The following KCNIP1 variants were observed in gnomAD, a reference collection of about 807,000 sequenced individuals.
KCNIP1 encodes the protein potassium voltage-gated channel interacting protein 1.
Under a neutral mutation model 33.0 loss-of-function variants are expected in KCNIP1, and 18 were observed. The ratio of observed to expected loss-of-function variants is 0.55; its 90% CI spans 0.38 to 0.81. The LOEUF is 0.81. Ranked by LOEUF, KCNIP1 falls within the 30% of genes least tolerant of loss-of-function variation. KCNIP1 has a pLI of 0.00. For missense variants in KCNIP1, 238 were observed against 271.6 expected, an observed-to-expected ratio of 0.88 and a Z score of 0.87; for synonymous variants, 93 against 98.3, an observed-to-expected ratio of 0.95 and a Z score of 0.32.
chr5:170,692,265 C>G (rs538136682), intron 1 of KCNIP1, among the ~76,000 whole-genome samples: 4 of 152,294 alleles, frequency 2.6e-5, no homozygotes, highest in Admixed American at 2.0e-4. Flanking sequence ...AGGAAAGAAG[C>G]AGGCTGCTGG....
At chr5:170,506,440 CA>C (rs1313027094) in intron 1 of KCNIP1, among the ~76,000 whole-genome samples, 2 of 152,142 alleles carry the variant, frequency 1.3e-5, no homozygotes, top group Non-Finnish European at 2.9e-5. Flanking sequence ...ATGTGAGAAT[CA>C]AATGAATGAT....
chr5:170,481,307 C>G (rs1756971802), intron 1 of KCNIP1, among the ~76,000 whole-genome samples: 1 of 152,190 alleles, frequency 6.6e-6, no homozygotes. Flanking sequence ...CAAAGAGCCC[C>G]TGTTTCTTTA....
At chr5:170,722,472 T>C (rs1763859412) in intron 4 of KCNIP1, among the ~76,000 whole-genome samples, 1 of 151,864 alleles carries the variant, frequency 6.6e-6, no homozygotes, top group Non-Finnish European at 1.5e-5. Flanking sequence ...TGTGTTGATC[T>C]GTGTCTCTCA....
At chr5:170,696,170 C>T (rs996426377) in intron 1 of KCNIP1, among the ~76,000 whole-genome samples, 1 of 152,134 alleles carries the variant, frequency 6.6e-6, no homozygotes, top group African/African-American at 2.4e-5. Context: ...AAAAGAGGCT[C>T]CTTCTGGTTT....
At chr5:170,517,599 ATGG>A (rs201249237) in intron 1 of KCNIP1, among the ~76,000 whole-genome samples, 3,300 of 151,516 alleles carry the variant, frequency 0.022, 53 homozygotes, top group South Asian at 0.068. Flanking sequence ...GGTGGTAGTG[ATGG>A]TGATGATGAT....
chr5:170,374,773 C>T (rs1763942221), intron 1 of KCNIP1: 1 of 152,144 alleles, frequency 6.6e-6, no homozygotes, highest in Non-Finnish European at 1.5e-5. Flanking sequence ...TCCATCATGC[C>T]TAAATTCCCA....
chr5:170,385,273 G>A, intron 1 of KCNIP1: 1 of 1,610,294 alleles, frequency 6.2e-7, no homozygotes, highest in South Asian at 1.1e-5. Context: ...CAGACCCTTA[G>A]GAGAGGGTTG....
At chr5:170,689,318 A>T (rs1336125521) in intron 1 of KCNIP1, among the ~76,000 whole-genome samples, 1 of 152,234 alleles carries the variant, frequency 6.6e-6, no homozygotes, top group Non-Finnish European at 1.5e-5. Context: ...AGAGCCTTGC[A>T]TTTGGAATAC....
At chr5:170,383,957 C>G (rs74820595) in intron 1 of KCNIP1, 1 of 1,161,216 alleles carries the variant, frequency 8.6e-7, no homozygotes, top group Non-Finnish European at 1.2e-6. Context: ...GGATCCAGGA[C>G]TGGGATCCTC....
At chr5:170,634,579 C>G (rs949255902) in intron 1 of KCNIP1, among the ~76,000 whole-genome samples, 2 of 152,160 alleles carry the variant, frequency 1.3e-5, no homozygotes, top group Non-Finnish European at 2.9e-5. Context: ...CGGAAATCCA[C>G]AAAACGACAT....
chr5:170,588,996 C>CTTTTTTTTT (rs67130531), intron 1 of KCNIP1, among the ~76,000 whole-genome samples: 2 of 117,406 alleles, frequency 1.7e-5, no homozygotes. Flanking sequence ...ATACTTACTT[C>CTTTTTTTTT]TTTTTTTTTT....
At chr5:170,417,333 T>C in intron 1 of KCNIP1, among the ~76,000 whole-genome samples, 1 of 152,242 alleles carries the variant, frequency 6.6e-6, no homozygotes, top group East Asian at 1.9e-4. Flanking sequence ...GAACATGTAC[T>C]ACATTTATAA....
chr5:170,555,934 C>G (rs1376179585), intron 1 of KCNIP1, among the ~76,000 whole-genome samples: 3 of 152,148 alleles, frequency 2.0e-5, no homozygotes, highest in African/African-American at 7.2e-5. Context: ...GAAACACCAC[C>G]CAAGCCCAGC....
chr5:170,378,700 G>A (rs961858920), intron 1 of KCNIP1: 1 of 1,604,544 alleles, frequency 6.2e-7, no homozygotes, highest in Non-Finnish European at 8.5e-7. Context: ...ATGGATGGAT[G>A]GCTCTACTTC....
chr5:170,354,025 C>A, intron 1 of KCNIP1: 1 of 1,465,184 alleles, frequency 6.8e-7, no homozygotes, highest in Non-Finnish European at 9.6e-7. Flanking sequence ...GGTCGCATTG[C>A]CTCGGTGTGG....
At chr5:170,687,339 G>A (rs1286364784) in intron 1 of KCNIP1, among the ~76,000 whole-genome samples, 1 of 151,956 alleles carries the variant, frequency 6.6e-6, no homozygotes, top group Non-Finnish European at 1.5e-5. Flanking sequence ...CCACCACCAT[G>A]CCTGGCTAAT....
At chr5:170,607,037 G>A (rs564049313) in intron 1 of KCNIP1, among the ~76,000 whole-genome samples, 197 of 152,288 alleles carry the variant, frequency 1.3e-3, no homozygotes, top group Admixed American at 2.9e-3. Context: ...GTTCTCAAGC[G>A]GGCAATGCCT....
At chr5:170,519,414 G>A (rs762994475) in intron 1 of KCNIP1, among the ~76,000 whole-genome samples, 4 of 152,150 alleles carry the variant, frequency 2.6e-5, no homozygotes, top group Non-Finnish European at 5.9e-5. Flanking sequence ...TAAGGAATAC[G>A]ATTTGGGGAC....
chr5:170,583,046 T>C (rs1757854499), intron 1 of KCNIP1, among the ~76,000 whole-genome samples: 1 of 152,214 alleles, frequency 6.6e-6, no homozygotes, highest in African/African-American at 2.4e-5. Context: ...ATGGAAGTTC[T>C]CTGAATCTGT....
Sources: gnomAD v4.1 joint callset for allele counts (sites outside exome capture counted in the v4.1 genomes callset) on GRCh38, gnomAD v4.1.1 for gene constraint, MANE v1.5 for transcripts, NCBI Gene and HGNC (gene_info 2026-07-23, HGNC 2026-07-21) for gene names.